Variants in TNKS observed in about 807,000 individuals in gnomAD.
TNKS encodes the protein tankyrase.
TNKS carries 72 observed loss-of-function variants against 135.8 expected under a neutral mutation model. The observed-to-expected ratio is 0.53, with a 90% confidence interval of 0.44 to 0.64. The LOEUF (loss-of-function observed/expected upper bound fraction) is 0.64. Ranked by LOEUF, TNKS falls within the 30% of genes least tolerant of loss-of-function variation. The pLI is 0.00. For synonymous variants in TNKS, 849 were observed against 649.3 expected, an observed-to-expected ratio of 1.31 and a Z score of -4.68; for missense variants, 1,769 against 1,674.0, an observed-to-expected ratio of 1.06 and a Z score of -0.99.
chr8:9,590,231 G>T (rs1013992604), intron 2 of TNKS, among the ~76,000 whole-genome samples: 2 of 152,056 alleles, frequency 1.3e-5, no homozygotes, highest in Non-Finnish European at 2.9e-5. Context: ...TCATGTCCCT[G>T]TAATTCCCTC....
chr8:9,570,122 CA>C (rs1322984715), intron 1 of TNKS, among the ~76,000 whole-genome samples: 2 of 151,798 alleles, frequency 1.3e-5, no homozygotes, highest in African/African-American at 4.8e-5. Flanking sequence ...AAGCAGATGC[CA>C]GGTGTTTTTT....
intron 3 of TNKS, among the ~76,000 whole-genome samples, chr8:9,634,503 T>C (rs1162070439): frequency 6.6e-6 from 1 of 152,208 alleles, no homozygotes; most frequent in African/African-American, 2.4e-5. Context: ...TTTTTTGCAG[T>C]GTGTGGTGTA....
chr8:9,690,323 AG>A (rs1164471459), intron 5 of TNKS, among the ~76,000 whole-genome samples: 1 of 152,222 alleles, frequency 6.6e-6, no homozygotes, highest in Admixed American at 6.5e-5. Flanking sequence ...AATTGAATTA[AG>A]TTGGCATTCA....
chr8:9,650,948 A>T (rs1801126576), intron 3 of TNKS, among the ~76,000 whole-genome samples: 1 of 152,154 alleles, frequency 6.6e-6, no homozygotes, highest in Admixed American at 6.5e-5. Flanking sequence ...CTGTTGTTTC[A>T]GGTCTTCGAT....
At chr8:9,561,847 G>A (rs910980968) in intron 1 of TNKS, among the ~76,000 whole-genome samples, 4 of 152,058 alleles carry the variant, frequency 2.6e-5, no homozygotes, top group East Asian at 1.9e-4. Context: ...GTTTGATTTT[G>A]CTCTTGTTGC....
In TNKS at chr8:9,675,826, C is replaced by G. The variant is rs368288796; in HGVS notation, c.995-4125C>G. Among the ~76,000 whole-genome samples, 8 of 152,068 alleles carry G rather than the reference C, an allele frequency of 5.3e-5. No homozygotes were observed. The East Asian group carries it at 9.6e-4, about 18-fold the overall frequency. On this transcript the variant is annotated intron_variant, in intron 3 of 26. Transcript: ENST00000310430. ...AATACTTAGTGAAACCTAAGACAAT[C>G]TGTTTAACTGCCTTGACACCAATTT...
intron 3 of TNKS, among the ~76,000 whole-genome samples, chr8:9,652,090 A>G (rs1277933951): frequency 1.3e-5 from 2 of 152,218 alleles, no homozygotes; most frequent in South Asian, 2.1e-4. Context: ...TACTTTCATC[A>G]TAGCTTTTTA....
chr8:9,675,626 T>A (rs1802500587), intron 3 of TNKS, among the ~76,000 whole-genome samples: 1 of 152,212 alleles, frequency 6.6e-6, no homozygotes, highest in Non-Finnish European at 1.5e-5. Flanking sequence ...TTTTGCTTGT[T>A]ATATTGATGT....
At chr8:9,716,107 C>G (rs577220718) in intron 11 of TNKS, among the ~76,000 whole-genome samples, 1 of 152,200 alleles carries the variant, frequency 6.6e-6, no homozygotes, top group Non-Finnish European at 1.5e-5. Context: ...TTTGACAGTT[C>G]ATATTCATAT....
intron 1 of TNKS, among the ~76,000 whole-genome samples, chr8:9,567,527 T>C (rs1349187823): frequency 6.6e-6 from 1 of 151,882 alleles, no homozygotes; most frequent in African/African-American, 2.4e-5. Flanking sequence ...GCCATTCTCC[T>C]GCCTCAGCCT....
intron 12 of TNKS, among the ~76,000 whole-genome samples, chr8:9,725,344 C>T (rs1805111773): frequency 6.6e-6 from 1 of 152,170 alleles, no homozygotes; most frequent in South Asian, 2.1e-4. Context: ...TAATATAACT[C>T]TTAAGAATAA....
intron 5 of TNKS, among the ~76,000 whole-genome samples, chr8:9,697,239 G>A (rs1585341167): frequency 6.6e-6 from 1 of 152,134 alleles, no homozygotes; most frequent in African/African-American, 2.4e-5. Flanking sequence ...GGGATAGTTG[G>A]CTAGCCATAT....
chr8:9,715,266 A>C (rs540016675), intron 11 of TNKS, among the ~76,000 whole-genome samples: 1 of 152,116 alleles, frequency 6.6e-6, no homozygotes, highest in Non-Finnish European at 1.5e-5. Context: ...GCACACTTAA[A>C]GTGGGTAATT....
intron 3 of TNKS, among the ~76,000 whole-genome samples, chr8:9,677,795 T>C (rs1170897437): frequency 6.6e-6 from 1 of 152,186 alleles, no homozygotes; most frequent in Non-Finnish European, 1.5e-5. Flanking sequence ...TTCTTCTCTG[T>C]CTCGTCCATA....
intron 3 of TNKS, among the ~76,000 whole-genome samples, chr8:9,666,030 C>G (rs564168188): frequency 6.6e-6 from 1 of 152,218 alleles, no homozygotes; most frequent in Admixed American, 6.5e-5. Flanking sequence ...AACTGAAGTT[C>G]CTTGTACCTA....
At chr8:9,641,154 G>T (rs181448599) in intron 3 of TNKS, among the ~76,000 whole-genome samples, 1 of 146,172 alleles carries the variant, frequency 6.8e-6, no homozygotes, top group Non-Finnish European at 1.5e-5. Context: ...TCAGTTACAA[G>T]TATGGCCTTT....
Position 9,689,691 on chromosome 8 carries a change from C to T in TNKS, c.1107+8891C>T, listed in dbSNP as rs181977240. Among the ~76,000 whole-genome samples the T allele has an allele frequency of 2.2e-3, 335 of 152,232 alleles. 4 individuals are homozygous for T. The highest frequency in any genetic ancestry group is 2.8e-4 in the Non-Finnish European group (19 of 68,010). On this transcript the variant is annotated intron_variant, in intron 5 of 26. Transcript: ENST00000310430. ...GGCTGCCACATTCATTATAGAAATG[C>T]AGAAACAACAAAGACTTTATCACTT...
At chr8:9,666,318 A>C (rs1222315110) in intron 3 of TNKS, among the ~76,000 whole-genome samples, 1 of 152,264 alleles carries the variant, frequency 6.6e-6, no homozygotes, top group African/African-American at 2.4e-5. Context: ...TTACATAGGA[A>C]GCTTATATTT....
chr8:9,698,374 G>GAAAAAAAAAAAAA lies in TNKS; in HGVS notation c.1108-6284_1108-6272dup, dbSNP rs34311181. 9.1e-5 allele frequency among the ~76,000 whole-genome samples: 9 copies of GAAAAAAAAAAAAA among 98,764 alleles called. 1 individual carries two copies. In the East Asian group the frequency reaches 1.5e-3, roughly 16 times the overall value. 64.8% of individuals were successfully genotyped at this position (98,764 alleles called of 152,430 possible). ...GTATCTAAAAGTTAAATTTTAAAATGAAAAAAAAAAAAAAAAAGCTTAAGT... is the reference window on the plus strand; with the variant it reads ...GTATCTAAAAGTTAAATTTTAAAATGAAAAAAAAAAAAAAAAAAAAAAAAAAAAAAGCTTAAGT... On this transcript the variant is annotated intron_variant, in intron 5 of 26. Coordinates refer to ENST00000310430, the MANE Select transcript of TNKS (RefSeq NM_003747.3).
Sources: allele counts gnomAD v4.1 joint callset (sites outside exome capture counted in the v4.1 genomes callset), GRCh38; gene constraint gnomAD v4.1.1; transcripts MANE v1.5; gene names NCBI Gene and HGNC (gene_info 2026-07-23, HGNC 2026-07-21).